The following PLIN5 variants were observed in gnomAD, a reference collection of about 807,000 sequenced individuals.
PLIN5 encodes perilipin-5.
Under a neutral mutation model 32.8 loss-of-function variants are expected in PLIN5, and 34 were observed. That is an observed-to-expected ratio of 1.04 (90% CI 0.79 to 1.38). PLIN5 has a LOEUF of 1.38. PLIN5 is among the 40% of genes most tolerant of loss of function. The probability of loss-of-function intolerance (pLI) is 0.00; values close to 1 mark genes in which losing one functional copy is unlikely to be tolerated. For synonymous variants in PLIN5, 309 were observed against 292.9 expected (o/e 1.05, Z -0.56); for missense variants, 712 against 660.5 (o/e 1.08, Z -0.85).
At chr19:4,529,610 T>TACATACAC (rs1555695803) in intron 4 of PLIN5, 174 bp downstream of exon 4, 2 of 403,840 alleles carry the variant, frequency 5.0e-6, no homozygotes, top group African/African-American at 4.3e-5. Flanking sequence ...CATATATGTA[T>TACATACAC]ACACACACAC....
In PLIN5 at chr19:4,523,259, G is replaced by C. The variant is rs1252952351; in HGVS notation, c.*269C>G. The C allele has an allele frequency of 2.6e-6, 1 of 380,840 alleles. No homozygotes were observed. Among genetic ancestry groups the C allele is most frequent in the African/African-American group, 2.1e-5 (1 of 47,854 alleles). The allele number at this position is 380,840 out of a possible 1,614,324, so 23.6% of individuals were successfully genotyped here. A position where few individuals can be genotyped will look rare whatever the true frequency, so the allele number is the denominator to read the frequency against. On this transcript the variant is annotated 3_prime_UTR_variant, in exon 8 of 8. Transcript: ENST00000381848. This position sits in a 1 kb window ranked among gnomAD's most constrained non-coding sequence, Gnocchi z 5.0. ...GATTTGGATTCGCTTCATGGAGCCAGGGAGCAGGACATAGGTGAAGAACCC... is the reference window on the plus strand; with the variant it reads ...GATTTGGATTCGCTTCATGGAGCCACGGAGCAGGACATAGGTGAAGAACCC...
intron 7 of PLIN5, 77 bp downstream of exon 7, chr19:4,524,886 C>T: frequency 7.7e-7 from 1 of 1,295,358 alleles, no homozygotes. Flanking sequence ...CTGGGCTGAC[C>T]CGCAGTCCGT....
At chr19:4,531,568 AGG>A in intron 3 of PLIN5, 57 bp downstream of exon 3, 1 of 1,367,388 alleles carries the variant, frequency 7.3e-7, no homozygotes, top group Non-Finnish European at 9.4e-7. Flanking sequence ...AGGATGGGAC[AGG>A]GGGCGGTGGG....
Position 4,525,963 on chromosome 19 carries a change from G to C in PLIN5, c.521-131C>G. The stretch of plus-strand genomic sequence containing the variant: ...AGGATACGGGGACAGCACGGGGACA[G>C]CATGGGGTCAGCACAGCCACCCACC... On this transcript the variant is annotated intron_variant, in intron 5 of 7. Coordinates refer to ENST00000381848, the MANE Select transcript of PLIN5 (RefSeq NM_001013706.3). The surrounding 1 kb of genome is among the most constrained non-coding windows in gnomAD (Gnocchi z 5.6). 1.1e-6 allele frequency: 1 copy of C among 876,660 alleles called. No individual in the cohort carries two copies. The highest frequency in any genetic ancestry group is 1.8e-6 in the Non-Finnish European group (1 of 569,074). 54.3% of individuals were successfully genotyped at this position (876,660 alleles called of 1,614,324 possible).
At position 4,523,725 on chromosome 19, in the gene PLIN5, C is replaced by A. The variant is rs747520676; in HGVS notation, c.1195G>T (p.Val399Phe). The change falls in exon 8 of 8, where the codon GTC becomes TTC. Residue 399 changes from valine to phenylalanine, a missense_variant. Coordinates refer to ENST00000381848, the MANE Select transcript of PLIN5 (RefSeq NM_001013706.3). The surrounding 1 kb of genome is among the most constrained non-coding windows in gnomAD (Gnocchi z 5.0). ...LPDLADLVDE[V>F]IGGPDPRWAH... Reference sequence around the variant, plus strand: ...CAGCGGGGGTCAGGGCCCCCGATGACCTCGTCCACCAGGTCCGCCAGGTCG... The same window carrying A: ...CAGCGGGGGTCAGGGCCCCCGATGAACTCGTCCACCAGGTCCGCCAGGTCG... The A allele has an allele frequency of 1.9e-6, 3 of 1,602,466 alleles. No homozygotes were observed. In the Admixed American group the frequency reaches 5.0e-5, roughly 27 times the overall value.
intron 3 of PLIN5, among the ~76,000 whole-genome samples, chr19:4,530,364 G>T (rs1005096155): frequency 6.6e-6 from 1 of 152,220 alleles, no homozygotes; most frequent in African/African-American, 2.4e-5. Context: ...CTGGCTGAGA[G>T]GGAGGTGAGG....
chr19:4,527,988 C>A (rs1568244538), intron 5 of PLIN5, among the ~76,000 whole-genome samples: 1 of 151,604 alleles, frequency 6.6e-6, no homozygotes, highest in African/African-American at 2.4e-5. Context: ...CTGCTCACTG[C>A]AAGCTCCACC....
Position 4,523,740 on chromosome 19 carries a change from C to T in PLIN5, c.1180G>A (p.Asp394Asn). Residue 394 changes from aspartate to asparagine, a missense_variant, in exon 8 of 8, where the codon GAC becomes AAC. Transcript: ENST00000381848. This position sits in a 1 kb window ranked among gnomAD's most constrained non-coding sequence, Gnocchi z 5.0. ...CCCCCGATGACCTCGTCCACCAGGT[C>T]CGCCAGGTCGGGCAGGGGCTCGGGT... ...ERPEPLPDLA[D>N]LVDEVIGGPD... 15 of 1,601,208 alleles carry T rather than the reference C, an allele frequency of 9.4e-6. No homozygotes were observed. Among genetic ancestry groups the T allele is most frequent in the Non-Finnish European group, 1.3e-5 (15 of 1,179,532 alleles).
rs1254331301 is a variant in PLIN5, at chr19:4,523,604, C to T, written c.1316G>A (p.Gly439Glu). The T allele has an allele frequency of 1.9e-6, 3 of 1,607,630 alleles. No individual in the cohort carries two copies. Among genetic ancestry groups the T allele is most frequent in the Non-Finnish European group, 2.5e-6 (3 of 1,177,684 alleles). Reference sequence around the variant, plus strand: ...CTCGGGTTCCTGCTCGCAGATGTCCCCGGCAACACCCATCCTGTCCCCATC... The same window carrying T: ...CTCGGGTTCCTGCTCGCAGATGTCCTCGGCAACACCCATCCTGTCCCCATC... ...NGDGDRMGVAGDICEQEPETP... is the reference protein window; with the variant it reads ...NGDGDRMGVAEDICEQEPETP... Residue 439 changes from glycine to glutamate, a missense_variant, in exon 8 of 8, where the codon GGG becomes GAG. By Grantham distance (98) the Gly-to-Glu change is moderately conservative (BLOSUM62 -2). Coordinates refer to ENST00000381848, the MANE Select transcript of PLIN5 (RefSeq NM_001013706.3). This position sits in a 1 kb window ranked among gnomAD's most constrained non-coding sequence, Gnocchi z 5.0.
chr19:4,529,869 G>A lies in PLIN5; in HGVS notation c.257-3C>T. The A allele has an allele frequency of 6.3e-7, 1 of 1,594,836 alleles. No homozygotes were observed. The highest frequency in any genetic ancestry group is 8.6e-7 in the Non-Finnish European group (1 of 1,166,278). On this transcript the variant is annotated splice_polypyrimidine_tract_variant and splice_region_variant and intron_variant, in intron 3 of 7. Coordinates refer to ENST00000381848, the MANE Select transcript of PLIN5 (RefSeq NM_001013706.3). ...GGCGAGGCTGTTCATAGTGGCCACT[G>A]AAGGGAGAGAGGCGGGGAGTGAGAC...
chr19:4,525,575 G>T lies in PLIN5; in HGVS notation c.720+58C>A, dbSNP rs1976789722. 3 of 1,586,548 alleles carry T rather than the reference G, an allele frequency of 1.9e-6. No individual in the cohort carries two copies. The highest frequency in any genetic ancestry group is 1.1e-5 in the South Asian group (1 of 90,508). On this transcript the variant is annotated intron_variant, in intron 6 of 7. Transcript: ENST00000381848. The surrounding 1 kb of genome is among the most constrained non-coding windows in gnomAD (Gnocchi z 5.6). ...GCACGGGATCCGGTATTCAGCTGGT[G>T]CTCAATCCATACTGATTGGCCTGCA...
chr19:4,528,119 C>T, intron 5 of PLIN5, among the ~76,000 whole-genome samples: 1 of 151,738 alleles, frequency 6.6e-6, no homozygotes, highest in African/African-American at 2.4e-5. Flanking sequence ...CCGTGTGAGC[C>T]AGGATGGTCT....
At chr19:4,529,389 G>T in intron 4 of PLIN5, 136 bp from the exon 5 acceptor site, 2 of 972,242 alleles carry the variant, frequency 2.1e-6, no homozygotes, top group Non-Finnish European at 3.0e-6. Flanking sequence ...CCTATAAAAT[G>T]GGTGATAAAA....
At chr19:4,528,984 T>C in intron 5 of PLIN5, 89 bp downstream of exon 5, 2 of 1,372,298 alleles carry the variant, frequency 1.5e-6, no homozygotes, top group Non-Finnish European at 2.0e-6. Context: ...TGTGTGACCT[T>C]GGGTGAGTCT....
At chr19:4,531,125 T>G (rs1976878808) in intron 3 of PLIN5, among the ~76,000 whole-genome samples, 1 of 151,882 alleles carries the variant, frequency 6.6e-6, no homozygotes, top group Non-Finnish European at 1.5e-5. Context: ...ATGAGCCTCC[T>G]GAGTAGCTAG....
intron 1 of PLIN5, 91 bp from the exon 2 acceptor site, chr19:4,534,186 T>G: frequency 1.8e-6 from 2 of 1,082,738 alleles, no homozygotes; most frequent in Non-Finnish European, 1.4e-6. Flanking sequence ...CTCAAACCTC[T>G]TGGGGCCTCA....
intron 5 of PLIN5, 141 bp downstream of exon 5, chr19:4,528,932 G>A (rs1976841975): frequency 1.1e-6 from 1 of 902,834 alleles, no homozygotes; most frequent in Non-Finnish European, 1.6e-6. Flanking sequence ...CCGGGAGGGA[G>A]GACAGGCCTG....
chr19:4,524,903 C>T (rs1431147473), intron 7 of PLIN5, 60 bp downstream of exon 7: 10 of 1,426,572 alleles, frequency 7.0e-6, no homozygotes, highest in Middle Eastern at 5.0e-4. Flanking sequence ...CCGTCGCTCC[C>T]CCTCTTCCTC....
At chr19:4,531,259 G>A (rs34994745) in intron 3 of PLIN5, among the ~76,000 whole-genome samples, 52,532 of 148,392 alleles carry the variant, frequency 0.35, 9,419 homozygotes, top group Middle Eastern at 0.41. Context: ...TCAGCCTCAC[G>A]AAGTGCTGGG....
Sources: allele counts gnomAD v4.1 joint callset (sites outside exome capture counted in the v4.1 genomes callset), GRCh38; gene constraint gnomAD v4.1.1; non-coding constraint Gnocchi (gnomAD v3.1); transcripts MANE v1.5; gene names NCBI Gene and HGNC (gene_info 2026-07-23, HGNC 2026-07-21).